VGLL3: variants seen among roughly 807,000 people sequenced by gnomAD.
VGLL3 encodes vestigial like family member 3, also known as transcription cofactor vestigial-like protein 3.
A neutral mutation model predicts 29.2 loss-of-function variants in VGLL3; 18 were observed. The observed-to-expected ratio is 0.62, with a 90% CI of 0.43 to 0.91. The LOEUF is 0.91. Ranked by LOEUF, VGLL3 falls within the 40% of genes least tolerant of loss-of-function variation. VGLL3 has a pLI of 0.00. For missense variants in VGLL3, 440 were observed against 413.2 expected (o/e 1.06, Z -0.56); for synonymous variants, 180 against 151.8 (o/e 1.19, Z -1.36).
chr3:86,978,722 C>A lies in VGLL3; in HGVS notation c.207G>T (p.Glu69Asp), dbSNP rs776144168. 6.2e-7 allele frequency: 1 copy of A among 1,614,080 alleles called. No individual in the cohort carries two copies. The highest frequency in any genetic ancestry group is 8.5e-7 in the Non-Finnish European group (1 of 1,179,990). Reference protein sequence around the residue: ...LPSKQEEEDEEEEEEEKDQPA... With the variant: ...LPSKQEEEDEDEEEEEKDQPA... ...GCTGGTCTTTCTCCTCCTCCTCCTCCTCCTCATCCTCCTCCTCTTGTTTGC... is the reference window on the plus strand; with the variant it reads ...GCTGGTCTTTCTCCTCCTCCTCCTCATCCTCATCCTCCTCCTCTTGTTTGC... Residue 69 changes from glutamate to aspartate, a missense_variant, in exon 2 of 4, where the codon GAG becomes GAT. Physicochemically the swap from Glu to Asp is conservative, Grantham distance 45 (BLOSUM62 2). Coordinates refer to ENST00000398399, the MANE Select transcript of VGLL3 (RefSeq NM_016206.4).
intron 3 of VGLL3, among the ~76,000 whole-genome samples, chr3:86,948,272 T>C (rs890326310): frequency 3.3e-5 from 5 of 152,304 alleles, no homozygotes; most frequent in African/African-American, 1.2e-4. Context: ...GATCTCAAGT[T>C]GTCTGCTTGA....
At chr3:86,959,848 T>A (rs1188831700) in intron 3 of VGLL3, among the ~76,000 whole-genome samples, 1 of 152,146 alleles carries the variant, frequency 6.6e-6, no homozygotes, top group Non-Finnish European at 1.5e-5. Context: ...TTTACCCAGG[T>A]GGGTTAGCAC....
intron 2 of VGLL3, among the ~76,000 whole-genome samples, chr3:86,975,278 G>C (rs56338126): frequency 0.088 from 13,339 of 152,096 alleles, 1,548 homozygotes; most frequent in African/African-American, 0.26. Flanking sequence ...AAAAATGTGA[G>C]TCTCATTTTA....
intron 2 of VGLL3, among the ~76,000 whole-genome samples, chr3:86,977,156 T>C (rs772790553): frequency 6.6e-6 from 1 of 151,936 alleles, no homozygotes; most frequent in Non-Finnish European, 1.5e-5. Flanking sequence ...TTATAGTCAC[T>C]GTTTAGTGTT....
Position 86,990,813 on chromosome 3 carries a change from G to T in VGLL3, c.-70C>A. Reference sequence around the variant, plus strand: ...ACGCGCTGGCGCGAGGGGCGCGGGCGCCGCCGCCGCCGCAGCTGCCGCCTC... The same window carrying T: ...ACGCGCTGGCGCGAGGGGCGCGGGCTCCGCCGCCGCCGCAGCTGCCGCCTC... On this transcript the variant is annotated 5_prime_UTR_variant, in exon 1 of 4. Transcript: ENST00000398399. 2 of 1,200,376 alleles carry T rather than the reference G, an allele frequency of 1.7e-6. No individual in the cohort carries two copies. Among genetic ancestry groups the T allele is most frequent in the South Asian group, 8.3e-5 (2 of 24,110 alleles). 74.4% of individuals were successfully genotyped at this position (1,200,376 alleles called of 1,614,324 possible).
intron 1 of VGLL3, among the ~76,000 whole-genome samples, chr3:86,984,701 A>G (rs944080367): frequency 1.3e-5 from 2 of 152,118 alleles, no homozygotes; most frequent in Non-Finnish European, 2.9e-5. Flanking sequence ...CTAGTTGTCA[A>G]TTAATACCTA....
At chr3:86,990,454 CCCTT>C in intron 1 of VGLL3, 160 bp downstream of exon 1, 2 of 977,896 alleles carry the variant, frequency 2.0e-6, no homozygotes, top group Non-Finnish European at 2.4e-6. Context: ...CTGCTGCTCT[CCCTT>C]CCCGGCTCTC....
chr3:86,952,809 C>T (rs1176351701), intron 3 of VGLL3, among the ~76,000 whole-genome samples: 1 of 152,166 alleles, frequency 6.6e-6, no homozygotes, highest in Non-Finnish European at 1.5e-5. Context: ...AATATCCAAA[C>T]TTCACCAGCA....
At chr3:86,983,929 G>A (rs1194271581) in intron 1 of VGLL3, among the ~76,000 whole-genome samples, 3 of 152,162 alleles carry the variant, frequency 2.0e-5, no homozygotes, top group Non-Finnish European at 2.9e-5. Flanking sequence ...AAGTGGCAGA[G>A]ATGGGATTAG....
In VGLL3 at chr3:86,983,596, G is replaced by A. The variant is rs557308977; in HGVS notation, c.127-4794C>T. Among the ~76,000 whole-genome samples the A allele has an allele frequency of 2.0e-5, 3 of 152,048 alleles. No homozygotes were observed. The East Asian group carries it at 5.8e-4, about 30-fold the overall frequency. On this transcript the variant is annotated intron_variant, in intron 1 of 3. Coordinates refer to ENST00000398399, the MANE Select transcript of VGLL3 (RefSeq NM_016206.4). ...TGACAGGATCTCACTATGTTGCCAGGGTTGGTCTCCAACTCCCGGCCTTAA... is the reference window on the plus strand; with the variant it reads ...TGACAGGATCTCACTATGTTGCCAGAGTTGGTCTCCAACTCCCGGCCTTAA...
At chr3:86,985,464 AAAG>A (rs1321815204) in intron 1 of VGLL3, among the ~76,000 whole-genome samples, 24 of 152,332 alleles carry the variant, frequency 1.6e-4, no homozygotes, top group African/African-American at 5.3e-4. Flanking sequence ...TTCTTCAACT[AAAG>A]AAGGAGACAA....
At chr3:86,978,880 A>T (rs972406409) in intron 1 of VGLL3, 78 bp from the exon 2 acceptor site, 9 of 1,426,188 alleles carry the variant, frequency 6.3e-6, no homozygotes, top group Admixed American at 4.8e-5. Flanking sequence ...TCACTTTTTT[A>T]AAAAAAGAAT....
Position 86,978,790 on chromosome 3 carries a change from C to A in VGLL3, c.139G>T (p.Val47Leu), listed in dbSNP as rs750443562. The A allele has an allele frequency of 6.2e-7, 1 of 1,605,218 alleles. No homozygotes were observed. The highest frequency in any genetic ancestry group is 1.3e-5 in the African/African-American group (1 of 74,730). The change falls in exon 2 of 4, where the codon GTA becomes TTA. Residue 47 changes from valine to leucine, a missense_variant. Coordinates refer to ENST00000398399, the MANE Select transcript of VGLL3 (RefSeq NM_016206.4). The part of the protein sequence containing the change: ...PQPGQQKKLA[V>L]FSKMQDSLEV... The stretch of plus-strand genomic sequence containing the variant: ...AGAGAGTCCTGCATCTTGCTGAATA[C>A]CGCTAACTTCTTCTGGGATGGAATA...
intron 3 of VGLL3, among the ~76,000 whole-genome samples, chr3:86,960,932 GATATAT>G (rs57744873): frequency 0.088 from 12,147 of 137,768 alleles, 1,261 homozygotes; most frequent in African/African-American, 0.26. Context: ...AAGTAATTGT[GATATAT>G]ATATATATAT....
Position 86,941,805 on chromosome 3 carries a change from A to G in VGLL3, c.*5219T>C, listed in dbSNP as rs1212370080. The G allele has an allele frequency of 6.6e-6, 1 of 152,052 alleles. No homozygotes were observed. The allele number at this position is 152,052 out of a possible 1,614,324, so 9.4% of individuals were successfully genotyped here. Reference sequence around the variant, plus strand: ...ACTACAAGATTCAAAAGAAAAAAAAAACCTGCTAAAAAATTCTAAATGTCT... The same window carrying G: ...ACTACAAGATTCAAAAGAAAAAAAAGACCTGCTAAAAAATTCTAAATGTCT... On this transcript the variant is annotated 3_prime_UTR_variant, in exon 4 of 4. Coordinates refer to ENST00000398399, the MANE Select transcript of VGLL3 (RefSeq NM_016206.4).
intron 1 of VGLL3, among the ~76,000 whole-genome samples, chr3:86,983,079 G>A (rs1164984887): frequency 6.6e-6 from 1 of 152,132 alleles, no homozygotes; most frequent in African/African-American, 2.4e-5. Context: ...TTCCATGTCA[G>A]GAGCCAAATA....
At position 86,976,219 on chromosome 3, in the gene VGLL3, A is replaced by C. The variant is rs557371381; in HGVS notation, c.403+2307T>G. ...TCATTGAATATTCTAAGCTCAGTCC[A>C]TCTTCAGGGCCTTTGCACTATCTGT... On this transcript the variant is annotated intron_variant, in intron 2 of 3. Transcript: ENST00000398399. Among the ~76,000 whole-genome samples, 133 of 152,334 alleles carry C rather than the reference A, an allele frequency of 8.7e-4. 2 individuals are homozygous for C. The highest frequency in any genetic ancestry group is 1.6e-3 in the Non-Finnish European group (111 of 68,034).
intron 3 of VGLL3, among the ~76,000 whole-genome samples, chr3:86,958,925 A>G (rs1352696507): frequency 6.6e-6 from 1 of 152,224 alleles, no homozygotes; most frequent in Non-Finnish European, 1.5e-5. Context: ...TGCCAGAGAA[A>G]AAGAAAAAGT....
At chr3:86,947,894 T>C (rs900937608) in intron 3 of VGLL3, among the ~76,000 whole-genome samples, 3 of 152,028 alleles carry the variant, frequency 2.0e-5, no homozygotes, top group Non-Finnish European at 2.9e-5. Context: ...TAATTTCTGA[T>C]ATGGGCAATT....
Sources: gnomAD v4.1 joint callset for allele counts (sites outside exome capture counted in the v4.1 genomes callset) on GRCh38, gnomAD v4.1.1 for gene constraint, MANE v1.5 for transcripts, NCBI Gene and HGNC (gene_info 2026-07-23, HGNC 2026-07-21) for gene names.